MAST4: variants seen among roughly 807,000 people sequenced by gnomAD.
MAST4 encodes the protein microtubule-associated serine/threonine-protein kinase 4.
In MAST4, 89 loss-of-function variants were observed where a neutral mutation model predicts 162.7. That is an observed-to-expected ratio of 0.55 (90% confidence interval 0.46 to 0.65). The LOEUF is 0.65. MAST4 is among the 30% of genes least tolerant of loss of function. MAST4 has a pLI of 0.00. For missense variants in MAST4, 3,153 were observed against 3,374.0 expected, an observed-to-expected ratio of 0.93 and a Z score of 1.62; for synonymous variants, 1,479 against 1,361.1, an observed-to-expected ratio of 1.09 and a Z score of -1.91.
At chr5:66,796,141 C>CA (rs1244110956) in intron 3 of MAST4, among the ~76,000 whole-genome samples, 1 of 152,112 alleles carries the variant, frequency 6.6e-6, no homozygotes, top group African/African-American at 2.4e-5. Flanking sequence ...GTCTGTAAAT[C>CA]AAAGATCAGC....
intron 4 of MAST4, among the ~76,000 whole-genome samples, chr5:66,915,266 CAAAA>C (rs70987147): frequency 1.2e-5 from 1 of 83,620 alleles, no homozygotes; most frequent in African/African-American, 4.3e-5. Context: ...ACTCTTGTCT[CAAAA>C]AAAAAAAAAA....
intron 3 of MAST4, among the ~76,000 whole-genome samples, chr5:66,852,308 C>G (rs1759370611): frequency 6.6e-6 from 1 of 152,068 alleles, no homozygotes; most frequent in Admixed American, 6.5e-5. Context: ...CTACCATGGG[C>G]TAATTTTTGT....
At chr5:66,690,375 A>G (rs1361179372) in intron 1 of MAST4, among the ~76,000 whole-genome samples, 1 of 152,168 alleles carries the variant, frequency 6.6e-6, no homozygotes, top group Non-Finnish European at 1.5e-5. Context: ...CTTATTTTAG[A>G]AACTCCACAA....
chr5:66,915,948 T>C (rs1194635812), intron 4 of MAST4, among the ~76,000 whole-genome samples: 1 of 152,202 alleles, frequency 6.6e-6, no homozygotes, highest in East Asian at 1.9e-4. Context: ...TGGGAGTGTT[T>C]CTAGCATTAC....
chr5:67,008,221 C>T (rs886493765), intron 4 of MAST4, among the ~76,000 whole-genome samples: 5 of 152,156 alleles, frequency 3.3e-5, no homozygotes, highest in Admixed American at 6.5e-5. Flanking sequence ...AGACTTTATA[C>T]GAAAACTTGT....
chr5:66,818,012 G>A (rs1458033783), intron 3 of MAST4, among the ~76,000 whole-genome samples: 4 of 152,222 alleles, frequency 2.6e-5, no homozygotes, highest in African/African-American at 9.6e-5. Context: ...TGCTGTAAAT[G>A]GATTTTGGTA....
chr5:66,714,188 G>A (rs1193901338), intron 1 of MAST4, among the ~76,000 whole-genome samples: 4 of 152,052 alleles, frequency 2.6e-5, no homozygotes, highest in South Asian at 2.1e-4. Flanking sequence ...TTTAGTCTCC[G>A]GTCTTTTTCA....
chr5:67,134,138 A>G (rs1306676235), intron 17 of MAST4, among the ~76,000 whole-genome samples: 3 of 152,164 alleles, frequency 2.0e-5, no homozygotes, highest in Non-Finnish European at 4.4e-5. Context: ...GTGTGAATAT[A>G]TTTTGGTCAT....
rs1752227573 is a variant in MAST4 at position 66,737,566 on chromosome 5, C to CTCGT, written c.364-22142_364-22139dup. ...GGGCAGCTGAGAGTCCCTCCTTGGC[C>CTCGT]TCGTATCTCTCCGTGTACTTTGATC... On this transcript the variant is annotated intron_variant, in intron 1 of 28. Coordinates refer to ENST00000403625, the MANE Select transcript of MAST4 (RefSeq NM_001164664.2). Among the ~76,000 whole-genome samples the CTCGT allele has an allele frequency of 3.3e-5, 5 of 152,264 alleles. No homozygotes were observed. The South Asian group carries it at 1.0e-3, about 32-fold the overall frequency.
intron 3 of MAST4, among the ~76,000 whole-genome samples, chr5:66,856,938 A>G (rs1280765470): frequency 6.6e-6 from 1 of 152,238 alleles, no homozygotes; most frequent in Non-Finnish European, 1.5e-5. Context: ...TCTGACATCT[A>G]AAATTAAAGT....
chr5:66,726,018 G>A (rs780774659), intron 1 of MAST4, among the ~76,000 whole-genome samples: 3 of 151,838 alleles, frequency 2.0e-5, no homozygotes, highest in African/African-American at 2.4e-5. Flanking sequence ...ATCTTTATAC[G>A]TATATGAACA....
intron 3 of MAST4, among the ~76,000 whole-genome samples, chr5:66,869,397 C>T (rs564975830): frequency 7.9e-5 from 12 of 152,246 alleles, no homozygotes; most frequent in Middle Eastern, 3.4e-3. Flanking sequence ...AGTGGGTCAA[C>T]GGATAGATTC....
intron 4 of MAST4, among the ~76,000 whole-genome samples, chr5:66,909,211 A>G (rs1199464773): frequency 1.3e-5 from 2 of 152,036 alleles, no homozygotes; most frequent in East Asian, 3.9e-4. Context: ...TAGATCTTTC[A>G]CTTGTACCCT....
rs1749286569 is a variant in MAST4, at chr5:66,984,819, A to C, written c.675-69585A>C. 3.9e-5 allele frequency among the ~76,000 whole-genome samples: 6 copies of C among 152,216 alleles called. 2 individuals carry two copies. The South Asian group carries it at 1.0e-3, about 26-fold the overall frequency. On this transcript the variant is annotated intron_variant, in intron 4 of 28. Transcript: ENST00000403625. ...AACAAGGATGGGTCCTAGATTGTCCACTGGATGAACAGAAGATCACGGTTC... is the reference window on the plus strand; with the variant it reads ...AACAAGGATGGGTCCTAGATTGTCCCCTGGATGAACAGAAGATCACGGTTC...
At chr5:66,785,782 TG>T (rs1190080380) in intron 2 of MAST4, among the ~76,000 whole-genome samples, 3 of 152,212 alleles carry the variant, frequency 2.0e-5, no homozygotes, top group Admixed American at 6.5e-5. Flanking sequence ...TAACAGGTAC[TG>T]GGGATACAGA....
chr5:66,731,092 TCA>T (rs979441038), intron 1 of MAST4, among the ~76,000 whole-genome samples: 12 of 152,226 alleles, frequency 7.9e-5, no homozygotes, highest in Admixed American at 3.9e-4. Flanking sequence ...GAAAATTATT[TCA>T]GTTTTTGTTT....
intron 5 of MAST4, among the ~76,000 whole-genome samples, chr5:67,080,327 T>C (rs1311751820): frequency 6.6e-6 from 1 of 152,190 alleles, no homozygotes; most frequent in Admixed American, 6.5e-5. Context: ...GACCCTGTCA[T>C]GTTCTTTAAG....
intron 3 of MAST4, among the ~76,000 whole-genome samples, chr5:66,793,057 A>G (rs1755492173): frequency 6.6e-6 from 1 of 152,220 alleles, no homozygotes; most frequent in African/African-American, 2.4e-5. Context: ...TTTGGTAGGT[A>G]TGAATTTTAG....
intron 4 of MAST4, among the ~76,000 whole-genome samples, chr5:67,024,321 A>C (rs1754350833): frequency 7.4e-6 from 1 of 135,470 alleles, no homozygotes; most frequent in Admixed American, 7.1e-5. Flanking sequence ...ATATATATAT[A>C]TATCTATATA....
Sources: gnomAD v4.1 joint callset for allele counts (sites outside exome capture counted in the v4.1 genomes callset) on GRCh38, gnomAD v4.1.1 for gene constraint, MANE v1.5 for transcripts, NCBI Gene and HGNC (gene_info 2026-07-23, HGNC 2026-07-21) for gene names.